The following CNKSR2 variants were observed in gnomAD, a reference collection of about 807,000 sequenced individuals.
The protein encoded by CNKSR2 is CNK homolog protein 2.
A neutral mutation model predicts 84.4 loss-of-function variants in CNKSR2; 14 were observed. That is an observed-to-expected ratio of 0.17 (90% confidence interval 0.11 to 0.26). The LOEUF (loss-of-function observed/expected upper bound fraction) is 0.26. Among genes scored for constraint, CNKSR2 ranks in the 10% least tolerant of loss-of-function variants. The pLI, the probability that CNKSR2 is intolerant of heterozygous loss-of-function variation, is 1.00. For synonymous variants in CNKSR2, 275 were observed against 277.9 expected, an observed-to-expected ratio of 0.99 and a Z score of 0.10; for missense variants, 485 against 771.2, an observed-to-expected ratio of 0.63 and a Z score of 4.40.
intron 20 of CNKSR2, among the ~76,000 whole-genome samples, chrX:21,611,843 G>A (rs997456891): frequency 4.5e-5 from 5 of 111,430 alleles, no homozygotes; most frequent in African/African-American, 9.8e-5. Context: ...AATATTGTGG[G>A]ATGTTTCGTG....
At chrX:21,567,679 A>G (rs372088577) in intron 13 of CNKSR2, among the ~76,000 whole-genome samples, 1 of 111,633 alleles carries the variant, frequency 9.0e-6, no homozygotes, top group Non-Finnish European at 1.9e-5. Flanking sequence ...TCAAAAGAGC[A>G]TAACTTTATT....
At chrX:21,579,684 T>A (rs1044310119) in intron 13 of CNKSR2, among the ~76,000 whole-genome samples, 12 of 111,876 alleles carry the variant, frequency 1.1e-4, no homozygotes, top group African/African-American at 3.6e-4. Context: ...ATCATATATA[T>A]TTTTATAATT....
At chrX:21,520,479 G>GA (rs11448046) in intron 9 of CNKSR2, among the ~76,000 whole-genome samples, 38,233 of 105,249 alleles carry the variant, frequency 0.36, 9,065 homozygotes, top group African/African-American at 0.86. Context: ...CTAATTCAAT[G>GA]AAAAAAAAAC....
intron 9 of CNKSR2, among the ~76,000 whole-genome samples, chrX:21,523,816 T>C (rs1240987712): frequency 9.0e-6 from 1 of 111,002 alleles, no homozygotes. Flanking sequence ...ATTTATTCTG[T>C]ACTTGATTTA....
chrX:21,480,252 T>C (rs1324329290), intron 5 of CNKSR2, among the ~76,000 whole-genome samples: 2 of 111,482 alleles, frequency 1.8e-5, no homozygotes, highest in African/African-American at 6.5e-5. Context: ...CTACTTCACA[T>C]TTCTTGACTA....
At chrX:21,449,253 G>A (rs1014889625) in intron 4 of CNKSR2, among the ~76,000 whole-genome samples, 5 of 98,531 alleles carry the variant, frequency 5.1e-5, no homozygotes, top group South Asian at 1.0e-3. Flanking sequence ...GCAGCGAGCC[G>A]AGATCACACC....
chrX:21,482,738 G>C (rs2091334866), intron 5 of CNKSR2, among the ~76,000 whole-genome samples: 1 of 111,809 alleles, frequency 8.9e-6, no homozygotes, highest in African/African-American at 3.3e-5. Context: ...CACTGTCCCA[G>C]GCTATGAAAT....
Position 21,490,420 on chromosome X carries a change from A to T in CNKSR2, c.562-39A>T, listed in dbSNP as rs780644671. 20 of 1,166,304 alleles carry T rather than the reference A, an allele frequency of 1.7e-5. No individual in the cohort carries two copies. In the East Asian group the frequency reaches 5.8e-4, roughly 34 times the overall value. On this transcript the variant is annotated intron_variant, in intron 5 of 21. Transcript: ENST00000379510. ...AGGTGATTTATATGTTACTTACAAC[A>T]CGTATTTACCACAACTATTTTTGTT... is the stretch of plus-strand genomic sequence containing the variant.
chrX:21,598,974 T>C lies in CNKSR2; in HGVS notation c.1977-2308T>C, dbSNP rs750025590. ...TCCTAAAGGATAAGTTTATCCAAGA[T>C]AGCACCAACAATTGTGTTGTATTTA... On this transcript the variant is annotated intron_variant, in intron 17 of 21. Transcript: ENST00000379510. 6.2e-5 allele frequency among the ~76,000 whole-genome samples: 7 copies of C among 113,106 alleles called. No individual in the cohort carries two copies. The East Asian group carries it at 1.9e-3, about 31-fold the overall frequency.
At chrX:21,525,823 G>T (rs772436495) in intron 9 of CNKSR2, among the ~76,000 whole-genome samples, 1 of 110,970 alleles carries the variant, frequency 9.0e-6, no homozygotes, top group African/African-American at 3.3e-5. Context: ...TGGCTAAAAT[G>T]GCAACATCTT....
intron 11 of CNKSR2, among the ~76,000 whole-genome samples, chrX:21,559,469 C>T (rs1453841030): frequency 2.7e-5 from 3 of 111,319 alleles, no homozygotes; most frequent in Non-Finnish European, 5.7e-5. Flanking sequence ...CTTGTTCATA[C>T]ATTGCATGTC....
intron 20 of CNKSR2, chrX:21,641,879 A>G: frequency 1.2e-6 from 1 of 843,769 alleles, no homozygotes; most frequent in Non-Finnish European, 1.4e-6. Context: ...GATGGAGCAC[A>G]GTAACAGAAA....
At chrX:21,538,276 G>C (rs190507197) in intron 11 of CNKSR2, 88 of 111,725 alleles carry the variant, frequency 7.9e-4, no homozygotes, top group African/African-American at 2.6e-3. Flanking sequence ...TTCTTGGTCT[G>C]TAAAGTTTCT....
At chrX:21,558,836 A>G (rs937848168) in intron 11 of CNKSR2, among the ~76,000 whole-genome samples, 1 of 111,685 alleles carries the variant, frequency 9.0e-6, no homozygotes, top group Non-Finnish European at 1.9e-5. Flanking sequence ...TATAACATAT[A>G]GAGCAAGTGA....
intron 10 of CNKSR2, among the ~76,000 whole-genome samples, chrX:21,527,845 T>C (rs1380106066): frequency 9.0e-6 from 1 of 111,220 alleles, no homozygotes; most frequent in Non-Finnish European, 1.9e-5. Flanking sequence ...TAAATAGTAT[T>C]AAATTTCTTT....
chrX:21,388,887 G>A (rs1339362871), intron 1 of CNKSR2, among the ~76,000 whole-genome samples: 1 of 110,568 alleles, frequency 9.0e-6, no homozygotes, highest in East Asian at 2.8e-4. Flanking sequence ...AAACCTGGCA[G>A]TTGCTACCTT....
intron 3 of CNKSR2, among the ~76,000 whole-genome samples, chrX:21,434,073 A>T (rs1023560885): frequency 7.2e-5 from 8 of 111,158 alleles, no homozygotes; most frequent in Admixed American, 1.9e-4. Context: ...TATTAATATA[A>T]TACATTTGTT....
chrX:21,646,402 G>C (rs1490783449), intron 20 of CNKSR2, among the ~76,000 whole-genome samples: 1 of 111,778 alleles, frequency 8.9e-6, no homozygotes, highest in African/African-American at 3.3e-5. Context: ...ACCTATGTAT[G>C]TCATTTTATA....
intron 20 of CNKSR2, among the ~76,000 whole-genome samples, chrX:21,625,382 A>C (rs924160949): frequency 1.8e-5 from 2 of 112,240 alleles, no homozygotes; most frequent in Non-Finnish European, 3.8e-5. Flanking sequence ...TACACATAGC[A>C]ATAAAGCTGT....
Sources: gnomAD v4.1 joint callset for allele counts (sites outside exome capture counted in the v4.1 genomes callset) on GRCh38, gnomAD v4.1.1 for gene constraint, MANE v1.5 for transcripts, NCBI Gene and HGNC (gene_info 2026-07-23, HGNC 2026-07-21) for gene names.